DLGAP1: variants seen among roughly 807,000 people sequenced by gnomAD.
DLGAP1 encodes the protein disks large-associated protein 1.
Under a neutral mutation model 90.8 loss-of-function variants are expected in DLGAP1, and 11 were observed. That is an observed-to-expected ratio of 0.12 (90% CI 0.08 to 0.20). The LOEUF (loss-of-function observed/expected upper bound fraction) is 0.20, where lower values mean the gene tolerates loss of function less well. Ranked by LOEUF, DLGAP1 falls within the 10% of genes least tolerant of loss-of-function variation. The probability of loss-of-function intolerance (pLI) is 1.00; values close to 1 mark genes in which losing one functional copy is unlikely to be tolerated. For missense variants in DLGAP1, 1,050 were observed against 1,333.8 expected (o/e 0.79, Z 3.31); for synonymous variants, 558 against 540.7 (o/e 1.03, Z -0.44).
rs117888582 is a variant in DLGAP1, at chr18:3,627,164, T to A, written c.1592-44916A>T. On this transcript the variant is annotated intron_variant, in intron 7 of 12. Coordinates refer to ENST00000315677, the MANE Select transcript of DLGAP1 (RefSeq NM_004746.4). Reference sequence around the variant, plus strand: ...TATGTTGCCCAGGCTGGTCTTGAACTCCTGAGCTTAAGTGATCTTCCCGCC... The same window carrying A: ...TATGTTGCCCAGGCTGGTCTTGAACACCTGAGCTTAAGTGATCTTCCCGCC... Among the ~76,000 whole-genome samples, 344 of 152,056 alleles carry A rather than the reference T, an allele frequency of 2.3e-3. 11 individuals are homozygous for A. The East Asian group carries it at 0.061, about 27-fold the overall frequency.
chr18:4,121,057 G>A (rs2076146681), intron 2 of DLGAP1, among the ~76,000 whole-genome samples: 1 of 152,110 alleles, frequency 6.6e-6, no homozygotes, highest in African/African-American at 2.4e-5. Context: ...TAGGCAAGAC[G>A]GACACTGGTT....
intron 2 of DLGAP1, among the ~76,000 whole-genome samples, chr18:4,136,494 T>C (rs1306916505): frequency 1.3e-5 from 2 of 152,264 alleles, no homozygotes; most frequent in East Asian, 1.9e-4. Flanking sequence ...TGATCAATGA[T>C]GGTGAGCACC....
chr18:4,347,072 C>T (rs2081313965), intron 1 of DLGAP1, among the ~76,000 whole-genome samples: 1 of 151,970 alleles, frequency 6.6e-6, no homozygotes, highest in Non-Finnish European at 1.5e-5. Context: ...TAACTACAGA[C>T]ATCTATGTAT....
intron 1 of DLGAP1, chr18:4,280,950 C>T (rs558142790): frequency 6.6e-6 from 1 of 152,248 alleles, no homozygotes; most frequent in East Asian, 1.9e-4. Flanking sequence ...TTCTTCATGG[C>T]CTTGGTGGAA....
chr18:3,502,301 A>AAT, intron 12 of DLGAP1, 192 bp downstream of exon 12: 3 of 1,324,928 alleles, frequency 2.3e-6, no homozygotes, highest in Non-Finnish European at 2.9e-6. Context: ...TTTCTTTAAA[A>AAT]ATATGCCTGA....
rs189377176 is a variant in DLGAP1 at position 3,814,806 on chromosome 18, G to A, written c.958-533C>T. Among the ~76,000 whole-genome samples the A allele has an allele frequency of 9.0e-3, 1,375 of 152,058 alleles. 21 individuals carry two copies. The highest frequency in any genetic ancestry group is 0.011 in the Non-Finnish European group (717 of 67,992). On this transcript the variant is annotated intron_variant, in intron 4 of 12. Coordinates refer to ENST00000315677, the MANE Select transcript of DLGAP1 (RefSeq NM_004746.4). ...TTGTGTTACAAACATTCCAATTATC[G>A]TCTTAGTTATTTAAAAATGTATAAA... is the stretch of plus-strand genomic sequence containing the variant.
At chr18:4,081,085 C>T (rs2075600732) in intron 2 of DLGAP1, among the ~76,000 whole-genome samples, 1 of 152,038 alleles carries the variant, frequency 6.6e-6, no homozygotes, top group Non-Finnish European at 1.5e-5. Context: ...GATGGGGTTT[C>T]CCGTGTTGGC....
chr18:3,772,459 T>TCTTC (rs2064724303), intron 5 of DLGAP1, among the ~76,000 whole-genome samples: 1 of 12,976 alleles, frequency 7.7e-5, no homozygotes, highest in Non-Finnish European at 2.0e-4. Flanking sequence ...CCCACCCCCC[T>TCTTC]CTTTCTTTCT....
intron 8 of DLGAP1, among the ~76,000 whole-genome samples, chr18:3,577,310 C>T (rs1027193903): frequency 6.6e-6 from 1 of 152,194 alleles, no homozygotes; most frequent in Non-Finnish European, 1.5e-5. Flanking sequence ...CCACCTTTTC[C>T]TTCTTGTTCC....
intron 3 of DLGAP1, among the ~76,000 whole-genome samples, chr18:3,992,330 A>G (rs1568339084): frequency 6.6e-6 from 1 of 152,176 alleles, no homozygotes; most frequent in Non-Finnish European, 1.5e-5. Flanking sequence ...CTGATCTATC[A>G]GCTTTTCTCT....
At chr18:3,809,017 G>C (rs1221151788) in intron 5 of DLGAP1, among the ~76,000 whole-genome samples, 1 of 152,144 alleles carries the variant, frequency 6.6e-6, no homozygotes, top group East Asian at 1.9e-4. Context: ...ACTGTGCCTT[G>C]TTCTTACAAT....
At chr18:3,759,329 C>A (rs1012044105) in intron 5 of DLGAP1, among the ~76,000 whole-genome samples, 61 of 151,458 alleles carry the variant, frequency 4.0e-4, no homozygotes, top group African/African-American at 1.4e-3. Flanking sequence ...AGAAACTGTT[C>A]AAAAACCACA....
chr18:3,932,621 A>G (rs1368233572), intron 3 of DLGAP1, among the ~76,000 whole-genome samples: 2 of 152,228 alleles, frequency 1.3e-5, no homozygotes, highest in African/African-American at 4.8e-5. Context: ...GGACAGGGCT[A>G]CATTTGGAGG....
At chr18:4,166,761 G>C (rs976568676) in intron 1 of DLGAP1, among the ~76,000 whole-genome samples, 9 of 152,166 alleles carry the variant, frequency 5.9e-5, no homozygotes, top group Admixed American at 4.6e-4. Flanking sequence ...GATGAACTAA[G>C]TGAAATAAAC....
intron 1 of DLGAP1, among the ~76,000 whole-genome samples, chr18:4,426,117 T>C (rs1466465112): frequency 6.6e-6 from 1 of 152,136 alleles, no homozygotes; most frequent in South Asian, 2.1e-4. Flanking sequence ...AAGTTCTCCA[T>C]AGAGCAGCAT....
In DLGAP1 at chr18:3,616,930, A is replaced by C. The variant is rs563730538; in HGVS notation, c.1592-34682T>G. Among the ~76,000 whole-genome samples, 26 of 152,302 alleles carry C rather than the reference A, an allele frequency of 1.7e-4. No homozygotes were observed. The South Asian group carries it at 5.4e-3, about 32-fold the overall frequency. On this transcript the variant is annotated intron_variant, in intron 7 of 12. Transcript: ENST00000315677. ...TGATGTAACTTTTACCAGTCAGCAC[A>C]TAAGTAGCCCAGCTGTCCTGAGGCT...
intron 3 of DLGAP1, among the ~76,000 whole-genome samples, chr18:3,937,596 C>T (rs2148941160): frequency 6.6e-6 from 1 of 152,286 alleles, no homozygotes; most frequent in Non-Finnish European, 1.5e-5. Flanking sequence ...AGTTTAGCTA[C>T]CCAACATGTT....
At chr18:3,618,038 AAAAG>A (rs571584047) in intron 7 of DLGAP1, among the ~76,000 whole-genome samples, 33 of 152,244 alleles carry the variant, frequency 2.2e-4, no homozygotes, top group Admixed American at 7.2e-4. Flanking sequence ...ACTCCATCTC[AAAAG>A]AAAGAAAGAA....
intron 1 of DLGAP1, among the ~76,000 whole-genome samples, chr18:4,302,137 A>G (rs116552291): frequency 8.7e-4 from 133 of 152,260 alleles, no homozygotes; most frequent in African/African-American, 3.1e-3. Flanking sequence ...GAAGCTGTTT[A>G]GTTTGATGCA....
Sources: gnomAD v4.1 joint callset for allele counts (sites outside exome capture counted in the v4.1 genomes callset) on GRCh38, gnomAD v4.1.1 for gene constraint, MANE v1.5 for transcripts, NCBI Gene and HGNC (gene_info 2026-07-23, HGNC 2026-07-21) for gene names.